SPATA9: variants seen among roughly 807,000 people sequenced by gnomAD.
The protein encoded by SPATA9 is spermatogenesis-associated protein 9.
Under a neutral mutation model 25.5 loss-of-function variants are expected in SPATA9, and 27 were observed. The observed-to-expected ratio is 1.06, with a 90% CI of 0.78 to 1.46. The LOEUF (loss-of-function observed/expected upper bound fraction) is 1.46. Among genes scored for constraint, SPATA9 ranks in the 40% most tolerant of loss-of-function variants. The pLI, the probability that SPATA9 is intolerant of heterozygous loss-of-function variation, is 0.00. For synonymous variants in SPATA9, 102 were observed against 105.7 expected, an observed-to-expected ratio of 0.97 and a Z score of 0.21; for missense variants, 282 against 297.5, an observed-to-expected ratio of 0.95 and a Z score of 0.38.
At chr5:95,679,171 T>A (rs1753203809) in intron 2 of SPATA9, among the ~76,000 whole-genome samples, 2 of 152,266 alleles carry the variant, frequency 1.3e-5, no homozygotes, top group South Asian at 4.1e-4. Context: ...AAACCCCAGT[T>A]TCTCTGATTT....
chr5:95,686,783 A>C (rs1405003836), upstream of SPATA9, among the ~76,000 whole-genome samples: 1 of 152,174 alleles, frequency 6.6e-6, no homozygotes, highest in Non-Finnish European at 1.5e-5. Context: ...CAGAGGAGAG[A>C]TGTGATTCTG....
intron 1 of SPATA9, among the ~76,000 whole-genome samples, chr5:95,688,070 C>T (rs1295372644): frequency 1.3e-5 from 2 of 152,112 alleles, no homozygotes; most frequent in East Asian, 3.9e-4. Flanking sequence ...TACCATGTGT[C>T]CACCCAAAGA....
At chr5:95,685,843 T>A (rs1753730051), upstream of SPATA9, among the ~76,000 whole-genome samples, 1 of 152,190 alleles carries the variant, frequency 6.6e-6, no homozygotes, top group Non-Finnish European at 1.5e-5. Flanking sequence ...CGTTTGTTTG[T>A]TTGTTTCTTT....
downstream of SPATA9, chr5:95,656,012 G>A (rs1221316392): frequency 1.3e-6 from 2 of 1,596,960 alleles, no homozygotes; most frequent in African/African-American, 2.7e-5. Context: ...CATTTGACAT[G>A]TCAGAATATT....
intron 1 of SPATA9, among the ~76,000 whole-genome samples, chr5:95,691,278 T>A (rs375131316): frequency 1.3e-5 from 2 of 152,186 alleles, no homozygotes; most frequent in African/African-American, 4.8e-5. Context: ...TTATTTTTAA[T>A]AGGCTGTTAC....
downstream of SPATA9, chr5:95,656,124 C>A (rs1028333540): frequency 3.1e-6 from 5 of 1,613,552 alleles, no homozygotes; most frequent in African/African-American, 6.7e-5. Flanking sequence ...AGGTCTGTAC[C>A]AGTCTATAAA....
In SPATA9 at chr5:95,675,433, C is replaced by T; in HGVS notation, c.357G>A (p.Arg119=). 6.2e-7 allele frequency: 1 copy of T among 1,614,094 alleles called. No individual in the cohort carries two copies. Among genetic ancestry groups the T allele is most frequent in the Non-Finnish European group, 8.5e-7 (1 of 1,179,992 alleles). The change falls in exon 3 of 5, where the codon AGG becomes AGA. Residue 119 remains arginine (R), a synonymous_variant. Coordinates refer to ENST00000274432, the MANE Select transcript of SPATA9 (RefSeq NM_031952.4). ...TTACCTGAATGTTATATAGGGGTTG[C>T]CTCGGCGCATTAACTTCCCTCAGCA... The part of the protein sequence containing the change: ...GRLLREVNAP[R]QPLYNIQVRK...
intron 3 of SPATA9, chr5:95,670,825 T>G: frequency 1.0e-6 from 1 of 985,138 alleles, no homozygotes; most frequent in Non-Finnish European, 1.2e-6. Flanking sequence ...ACATTCCGGT[T>G]GCACCTTTGA....
At chr5:95,680,012 C>T (rs1415095525) in intron 2 of SPATA9, among the ~76,000 whole-genome samples, 2 of 152,232 alleles carry the variant, frequency 1.3e-5, no homozygotes, top group African/African-American at 4.8e-5. Context: ...ATTCTCCTGC[C>T]TCAGCCTCCC....
intron 4 of SPATA9, 54 bp downstream of exon 4, chr5:95,663,898 CA>C: frequency 9.8e-7 from 1 of 1,016,468 alleles, no homozygotes; most frequent in African/African-American, 1.6e-5. Flanking sequence ...GTATTATTAA[CA>C]TTACACAAAA....
chr5:95,652,994 C>G, exon 9 of SPATA9: 1 of 1,334,402 alleles, frequency 7.5e-7, no homozygotes, highest in Non-Finnish European at 1.0e-6. Flanking sequence ...AAAATCCATA[C>G]ACAGCACTGC....
intron 2 of SPATA9, 44 bp from the exon 3 acceptor site, chr5:95,675,683 G>C (rs758491231): frequency 1.3e-6 from 2 of 1,547,304 alleles, no homozygotes; most frequent in Admixed American, 1.7e-5. Flanking sequence ...GTAATCTCCA[G>C]TGCATTATTA....
rs769603238 is a variant in SPATA9 at position 95,658,731 on chromosome 5, C to T, written c.657G>A (p.Lys219=). The T allele has an allele frequency of 2.5e-5, 40 of 1,613,838 alleles. No homozygotes were observed. Among genetic ancestry groups the T allele is most frequent in the Non-Finnish European group, 3.4e-5 (40 of 1,179,874 alleles). Residue 219 remains lysine, a synonymous_variant, in exon 5 of 5, where the codon AAG becomes AAA. Coordinates refer to ENST00000274432, the MANE Select transcript of SPATA9 (RefSeq NM_031952.4). ...GCTTGGGGTAATCTGAAATGTCTGG[C>T]TTCTCCGGCAATGACCTATAAGGTT... ...KAKPYRSLPE[K]PDISDYPKLL...
intron 3 of SPATA9, among the ~76,000 whole-genome samples, chr5:95,673,887 G>T (rs1163494472): frequency 6.6e-6 from 1 of 151,970 alleles, no homozygotes; most frequent in East Asian, 1.9e-4. Flanking sequence ...GGGATTACAG[G>T]CACACCACCA....
chr5:95,694,223 G>C (rs546676996), intron 1 of SPATA9, among the ~76,000 whole-genome samples: 1 of 152,192 alleles, frequency 6.6e-6, no homozygotes, highest in Non-Finnish European at 1.5e-5. Flanking sequence ...GTACATATAA[G>C]CTTCATATAT....
At chr5:95,703,781 G>A in the SPATA9 span, among the ~76,000 whole-genome samples, 975 of 152,154 alleles carry the variant, frequency 6.4e-3, 6 homozygotes, top group Non-Finnish European at 0.01. Flanking sequence ...TAGTAAACAT[G>A]TATTTCTTTT....
intron 2 of SPATA9, among the ~76,000 whole-genome samples, chr5:95,676,308 GA>G (rs1752949500): frequency 6.6e-6 from 1 of 152,038 alleles, no homozygotes; most frequent in Admixed American, 6.6e-5. Flanking sequence ...TTGATTACAT[GA>G]ATACGTCCTT....
At chr5:95,652,471 A>G (rs964054552), downstream of SPATA9, 35 of 1,065,920 alleles carry the variant, frequency 3.3e-5, no homozygotes, top group Non-Finnish European at 4.5e-5. Context: ...CAATATGTGT[A>G]AAATATATAT....
chr5:95,697,726 T>C (rs1379876802), intron 1 of SPATA9, among the ~76,000 whole-genome samples: 1 of 152,220 alleles, frequency 6.6e-6, no homozygotes, highest in African/African-American at 2.4e-5. Flanking sequence ...ACATTTATCA[T>C]TGGCAATAAA....
Sources: allele counts gnomAD v4.1 joint callset (sites outside exome capture counted in the v4.1 genomes callset), GRCh38; gene constraint gnomAD v4.1.1; transcripts MANE v1.5; gene names NCBI Gene and HGNC (gene_info 2026-07-23, HGNC 2026-07-21).